The following LRRIQ1 variants were observed in gnomAD, a reference collection of about 807,000 sequenced individuals.
The protein encoded by LRRIQ1 is leucine-rich repeat- and IQ domain-containing protein 1.
In LRRIQ1, 210 loss-of-function variants were observed where a neutral mutation model predicts 211.9. The observed-to-expected ratio is 0.99, with a 90% CI of 0.89 to 1.11. The LOEUF is 1.11. LRRIQ1 is among the 50% of genes most tolerant of loss of function. The pLI is 0.00. For missense variants in LRRIQ1, 2,136 were observed against 1,939.5 expected (o/e 1.10, Z -1.90); for synonymous variants, 699 against 650.1 (o/e 1.08, Z -1.14).
chr12:85,255,150 T>C (rs1464609597), intron 1 of LRRIQ1, among the ~76,000 whole-genome samples: 2 of 151,854 alleles, frequency 1.3e-5, no homozygotes, highest in African/African-American at 4.8e-5. Context: ...TGAGGAAATA[T>C]GGGCAATAAG....
chr12:85,153,675 A>G lies in LRRIQ1; in HGVS notation c.4554A>G (p.Lys1518=), dbSNP rs559154406. 3.2e-6 allele frequency: 5 copies of G among 1,582,460 alleles called. No individual in the cohort carries two copies. The East Asian group carries it at 1.1e-4, about 36-fold the overall frequency. Residue 1518 remains lysine, a synonymous_variant, in exon 22 of 27, where the codon AAA becomes AAG. Coordinates refer to ENST00000393217, the MANE Select transcript of LRRIQ1 (RefSeq NM_001079910.2). ...TTTCTATTGCCAGATCAGAAAATAA[A>G]ACTTCTTCCTGGACACCTGAATCAA... is the stretch of plus-strand genomic sequence containing the variant. ...HTQFNSRSEN[K]TSSWTPESKT...
intron 11 of LRRIQ1, among the ~76,000 whole-genome samples, chr12:85,090,281 C>T (rs1885251446): frequency 6.6e-6 from 1 of 152,164 alleles, no homozygotes; most frequent in Admixed American, 6.5e-5. Flanking sequence ...CAAAGTAGGG[C>T]AGAGGGGAAA....
In LRRIQ1 at chr12:85,118,498, T is replaced by TG. The variant is rs542265723; in HGVS notation, c.3378-3198dup. Among the ~76,000 whole-genome samples, 898 of 105,350 alleles carry TG rather than the reference T, an allele frequency of 8.5e-3. 3 individuals are homozygous for TG. The highest frequency in any genetic ancestry group is 0.046 in the African/African-American group (850 of 18,620). The allele number at this position is 105,350 out of a possible 152,430, so 69.1% of individuals were successfully genotyped here. On this transcript the variant is annotated intron_variant, in intron 15 of 26. Coordinates refer to ENST00000393217, the MANE Select transcript of LRRIQ1 (RefSeq NM_001079910.2). ...TCTGCTCTCAGTACATGAAAAACTA[T>TG]GTTTTTTTTTTTTTTTTGCTTTTAT...
intron 24 of LRRIQ1, among the ~76,000 whole-genome samples, chr12:85,201,425 T>G (rs2137019684): frequency 6.6e-6 from 1 of 152,188 alleles, no homozygotes; most frequent in African/African-American, 2.4e-5. Context: ...CATCCTGGGC[T>G]TTGTTTGATT....
At chr12:85,155,339 A>G (rs1026640477) in intron 23 of LRRIQ1, among the ~76,000 whole-genome samples, 3 of 151,564 alleles carry the variant, frequency 2.0e-5, no homozygotes, top group Non-Finnish European at 3.0e-5. Flanking sequence ...GTAAGCTCCT[A>G]TTAAGTTCAT....
intron 11 of LRRIQ1, among the ~76,000 whole-genome samples, chr12:85,080,399 A>G (rs1017175354): frequency 3.3e-5 from 5 of 151,604 alleles, no homozygotes; most frequent in African/African-American, 1.2e-4. Flanking sequence ...TATATGTAAC[A>G]ATATATATTT....
At chr12:85,104,533 T>C (rs1886632748) in intron 14 of LRRIQ1, among the ~76,000 whole-genome samples, 1 of 151,982 alleles carries the variant, frequency 6.6e-6, no homozygotes, top group Non-Finnish European at 1.5e-5. Context: ...ATTTTGTCTT[T>C]ATATTAATTG....
intron 1 of LRRIQ1, among the ~76,000 whole-genome samples, chr12:85,254,689 C>T (rs1265608062): frequency 1.3e-5 from 2 of 151,974 alleles, no homozygotes; most frequent in Non-Finnish European, 2.9e-5. Flanking sequence ...GATGTATTTT[C>T]CTCAGACACC....
At chr12:85,084,254 A>C (rs1731336309) in intron 11 of LRRIQ1, among the ~76,000 whole-genome samples, 1 of 152,196 alleles carries the variant, frequency 6.6e-6, no homozygotes, top group Admixed American at 6.5e-5. Context: ...GAAATTCAAT[A>C]ATCTTTGAGT....
intron 23 of LRRIQ1, among the ~76,000 whole-genome samples, chr12:85,158,110 A>G (rs767440545): frequency 1.3e-5 from 2 of 151,888 alleles, no homozygotes; most frequent in Admixed American, 6.6e-5. Flanking sequence ...TATGCTCTCA[A>G]CCACAAAAAA....
chr12:85,126,042 T>G (rs1376423692), intron 17 of LRRIQ1, among the ~76,000 whole-genome samples: 1 of 152,122 alleles, frequency 6.6e-6, no homozygotes, highest in Admixed American at 6.5e-5. Flanking sequence ...ACTTTTGACA[T>G]TATAATTTTG....
intron 14 of LRRIQ1, among the ~76,000 whole-genome samples, chr12:85,106,117 A>G (rs975855014): frequency 2.6e-5 from 4 of 152,118 alleles, no homozygotes; most frequent in Non-Finnish European, 5.9e-5. Flanking sequence ...TTTTTAAGGT[A>G]AAAAGGTCCA....
chr12:85,259,647 C>G (rs1181794708), intron 1 of LRRIQ1, among the ~76,000 whole-genome samples: 1 of 151,964 alleles, frequency 6.6e-6, no homozygotes, highest in Non-Finnish European at 1.5e-5. Flanking sequence ...ATTGTTTTGA[C>G]AAAACATTAT....
At chr12:85,190,860 C>T (rs1036608817) in intron 24 of LRRIQ1, among the ~76,000 whole-genome samples, 5 of 151,898 alleles carry the variant, frequency 3.3e-5, no homozygotes, top group Non-Finnish European at 5.9e-5. Context: ...CTCCAAATTT[C>T]ACCTCTAGCC....
At chr12:85,158,250 AC>A (rs1890669065) in intron 23 of LRRIQ1, among the ~76,000 whole-genome samples, 1 of 151,594 alleles carries the variant, frequency 6.6e-6, no homozygotes, top group Non-Finnish European at 1.5e-5. Context: ...AAAAAAAAAA[AC>A]TAGATAAAAG....
intron 23 of LRRIQ1, among the ~76,000 whole-genome samples, chr12:85,156,183 A>G (rs906992425): frequency 6.6e-6 from 1 of 151,766 alleles, no homozygotes; most frequent in Admixed American, 6.6e-5. Context: ...ATCTCTATGT[A>G]TCACTTTTGT....
At chr12:85,196,788 C>G (rs1166997105) in intron 24 of LRRIQ1, among the ~76,000 whole-genome samples, 1 of 151,752 alleles carries the variant, frequency 6.6e-6, no homozygotes, top group Non-Finnish European at 1.5e-5. Flanking sequence ...ATGTCCAAAA[C>G]ACCAAAAGCA....
At chr12:85,076,564 C>T (rs1324347733) in intron 11 of LRRIQ1, 5 of 729,144 alleles carry the variant, frequency 6.9e-6, no homozygotes, top group Non-Finnish European at 8.4e-6. Context: ...CTAGATAATA[C>T]TGCTTTCTGG....
Position 85,153,717 on chromosome 12 carries a change from T to A in LRRIQ1, c.4596T>A (p.Ser1532Arg), listed in dbSNP as rs1270868573. 9 of 1,583,596 alleles carry A rather than the reference T, an allele frequency of 5.7e-6. No individual in the cohort carries two copies. In the South Asian group the frequency reaches 9.4e-5, roughly 17 times the overall value. Residue 1532 changes from serine to arginine, a missense_variant, in exon 22 of 27, where the codon AGT (serine) becomes AGA (arginine). Ser to Arg is a moderately radical substitution (Grantham distance 110). Transcript: ENST00000393217. The part of the protein sequence containing the change: ...WTPESKTSRK[S>R]LLKSEKEKKI... ...CTGAATCAAAGACCAGTAGAAAGAGTTTGCTAAAATCTGAAAAAGAAAAAA... is the reference window on the plus strand; with the variant it reads ...CTGAATCAAAGACCAGTAGAAAGAGATTGCTAAAATCTGAAAAAGAAAAAA...
Sources: allele counts gnomAD v4.1 joint callset (sites outside exome capture counted in the v4.1 genomes callset), GRCh38; gene constraint gnomAD v4.1.1; transcripts MANE v1.5; gene names NCBI Gene and HGNC (gene_info 2026-07-23, HGNC 2026-07-21).